FAM210A: variants seen among roughly 807,000 people sequenced by gnomAD.
FAM210A encodes mitochondrial inner membrane scaffold 1.
In FAM210A, 13 loss-of-function variants were observed where a neutral mutation model predicts 25.3. That is an observed-to-expected ratio of 0.51 (90% CI 0.33 to 0.82). The LOEUF (loss-of-function observed/expected upper bound fraction) is 0.82, where lower values mean the gene tolerates loss of function less well. Among genes scored for constraint, FAM210A ranks in the 40% least tolerant of loss-of-function variants. The pLI is 0.02. For missense variants in FAM210A, 319 were observed against 323.2 expected (o/e 0.99, Z 0.10); for synonymous variants, 125 against 118.7 (o/e 1.05, Z -0.35).
At chr18:13,692,112 CTGAT>C (rs1185422562) in intron 1 of FAM210A, among the ~76,000 whole-genome samples, 175 of 150,086 alleles carry the variant, frequency 1.2e-3, no homozygotes, top group Non-Finnish European at 1.7e-3. Flanking sequence ...ATCCTAGTCT[CTGAT>C]TGACTTTAAA....
At chr18:13,675,495 C>T (rs59453188) in intron 2 of FAM210A, among the ~76,000 whole-genome samples, 6,941 of 7,418 alleles carry the variant, frequency 0.94, 3,399 homozygotes, top group South Asian at 0.94. Flanking sequence ...TCATTTCCAG[C>T]TTCCTGATTA....
At chr18:13,698,242 C>T (rs2043710905) in intron 1 of FAM210A, among the ~76,000 whole-genome samples, 1 of 150,654 alleles carries the variant, frequency 6.6e-6, no homozygotes, top group Non-Finnish European at 1.5e-5. Flanking sequence ...ATCCTAGCTA[C>T]TCGGGAGGCT....
chr18:13,689,048 T>C (rs1568482102), intron 1 of FAM210A, among the ~76,000 whole-genome samples: 1 of 152,244 alleles, frequency 6.6e-6, no homozygotes, highest in Non-Finnish European at 1.5e-5. Flanking sequence ...GCGAGTCCTG[T>C]GAAGGGGTCA....
At chr18:13,667,339 T>C (rs997126961) in intron 3 of FAM210A, among the ~76,000 whole-genome samples, 3 of 152,186 alleles carry the variant, frequency 2.0e-5, no homozygotes, top group Non-Finnish European at 4.4e-5. Context: ...TTAACGTTAA[T>C]TGGAACTTTT....
intron 2 of FAM210A, among the ~76,000 whole-genome samples, chr18:13,680,774 G>A (rs374617822): frequency 5.9e-5 from 9 of 152,166 alleles, no homozygotes; most frequent in African/African-American, 9.7e-5. Context: ...CACCAGGCCC[G>A]GACACTGAGG....
At chr18:13,687,137 G>GGTATATTTAAGAATCAA (rs1568481342) in intron 1 of FAM210A, among the ~76,000 whole-genome samples, 4 of 152,176 alleles carry the variant, frequency 2.6e-5, no homozygotes, top group Non-Finnish European at 4.4e-5. Context: ...TTAAGAATCA[G>GGTATATTTAAGAATCAA]CTGGGAATAA....
In FAM210A at chr18:13,671,743, T is replaced by C. The variant is rs574072884; in HGVS notation, c.585+119A>G. ...CATTATTCACCAGACATATCAGAGA[T>C]GAAATACAGCGTTTCAAGTTACGAA... On this transcript the variant is annotated intron_variant, in intron 3 of 3. Coordinates refer to ENST00000651643, the MANE Select transcript of FAM210A (RefSeq NM_152352.4). 5 of 592,660 alleles carry C rather than the reference T, an allele frequency of 8.4e-6. No individual in the cohort carries two copies. In the Admixed American group the frequency reaches 8.8e-5, roughly 10 times the overall value. 36.7% of individuals were successfully genotyped at this position (592,660 alleles called of 1,614,324 possible). A position where few individuals can be genotyped will look rare whatever the true frequency, so the allele number is the denominator to read the frequency against.
At chr18:13,692,525 G>T (rs1367470905) in intron 1 of FAM210A, among the ~76,000 whole-genome samples, 1 of 152,292 alleles carries the variant, frequency 6.6e-6, no homozygotes, top group South Asian at 2.1e-4. Flanking sequence ...CTCAGCAAAT[G>T]TAAAAGAACA....
rs866126976 is a variant in FAM210A, at chr18:13,723,760, C to T, written c.-29+2569G>A. 5.1e-4 allele frequency among the ~76,000 whole-genome samples: 77 copies of T among 152,316 alleles called. No homozygotes were observed. In the Middle Eastern group the frequency reaches 0.014, roughly 27 times the overall value. On this transcript the variant is annotated intron_variant, in intron 1 of 3. Coordinates refer to ENST00000651643, the MANE Select transcript of FAM210A (RefSeq NM_152352.4). ...GCTAAGCTGACATAATAAAACTAAT[C>T]ATCACACACAGTATTACTCAACAAA...
intron 2 of FAM210A, among the ~76,000 whole-genome samples, chr18:13,675,662 T>C (rs200358074): frequency 0.42 from 22,157 of 52,382 alleles, 4,337 homozygotes; most frequent in East Asian, 0.7. Flanking sequence ...GAGCCCTGGC[T>C]TCTTTATTTC....
intron 1 of FAM210A, among the ~76,000 whole-genome samples, chr18:13,704,609 T>C (rs2043764315): frequency 6.6e-6 from 1 of 152,184 alleles, no homozygotes; most frequent in Non-Finnish European, 1.5e-5. Flanking sequence ...TTTGGGATAC[T>C]ACAGAGGGCC....
At chr18:13,683,599 C>T (rs888426085) in intron 1 of FAM210A, among the ~76,000 whole-genome samples, 5 of 150,560 alleles carry the variant, frequency 3.3e-5, no homozygotes, top group South Asian at 2.1e-4. Flanking sequence ...ATAGAGACTT[C>T]CAGATAATTA....
intron 2 of FAM210A, among the ~76,000 whole-genome samples, chr18:13,676,953 G>A (rs2043509064): frequency 6.6e-6 from 1 of 152,052 alleles, no homozygotes; most frequent in Non-Finnish European, 1.5e-5. Context: ...ACGAGCTGCA[G>A]ACAAAACCCC....
At chr18:13,715,667 C>A (rs138872410) in intron 1 of FAM210A, among the ~76,000 whole-genome samples, 251 of 152,254 alleles carry the variant, frequency 1.6e-3, no homozygotes, top group African/African-American at 5.8e-3. Flanking sequence ...CAAACTTGCA[C>A]AGAGTTATTA....
At chr18:13,691,827 G>T (rs367997889) in intron 1 of FAM210A, among the ~76,000 whole-genome samples, 24,635 of 31,586 alleles carry the variant, frequency 0.78, 10,458 homozygotes, top group East Asian at 0.92. Flanking sequence ...ATCGAGGCTA[G>T]GAAGAAACTG....
intron 1 of FAM210A, among the ~76,000 whole-genome samples, chr18:13,716,846 G>A: frequency 6.6e-6 from 1 of 152,136 alleles, no homozygotes; most frequent in Non-Finnish European, 1.5e-5. Flanking sequence ...TGAACTGTGA[G>A]TCAATTAAAC....
intron 1 of FAM210A, among the ~76,000 whole-genome samples, chr18:13,716,451 G>C (rs993930235): frequency 6.6e-6 from 1 of 152,148 alleles, no homozygotes; most frequent in Non-Finnish European, 1.5e-5. Flanking sequence ...AGGATTTTGA[G>C]AACTTACATT....
chr18:13,696,415 T>C (rs141219055), intron 1 of FAM210A, among the ~76,000 whole-genome samples: 5 of 152,258 alleles, frequency 3.3e-5, no homozygotes, highest in African/African-American at 1.2e-4. Flanking sequence ...CACATACTGC[T>C]AGGAAAATGA....
chr18:13,725,599 A>G (rs2043935436), intron 1 of FAM210A, among the ~76,000 whole-genome samples: 1 of 152,216 alleles, frequency 6.6e-6, no homozygotes, highest in Non-Finnish European at 1.5e-5. Flanking sequence ...CAGTTTTACA[A>G]CCTTGGAAGG....
Sources: gnomAD v4.1 joint callset for allele counts (sites outside exome capture counted in the v4.1 genomes callset) on GRCh38, gnomAD v4.1.1 for gene constraint, MANE v1.5 for transcripts, NCBI Gene and HGNC (gene_info 2026-07-23, HGNC 2026-07-21) for gene names.